The following SHROOM4 variants were observed in gnomAD, a reference collection of about 807,000 sequenced individuals.
SHROOM4 encodes the protein shroom family member 4.
Under a neutral mutation model 80.3 loss-of-function variants are expected in SHROOM4, and 17 were observed. The observed-to-expected ratio is 0.21, with a 90% CI of 0.14 to 0.32. The LOEUF (loss-of-function observed/expected upper bound fraction) is 0.32, where lower values mean the gene tolerates loss of function less well. Ranked by LOEUF, SHROOM4 falls within the 10% of genes least tolerant of loss-of-function variation. The pLI is 1.00. For synonymous variants in SHROOM4, 400 were observed against 437.5 expected (o/e 0.91, Z 1.07); for missense variants, 993 against 1,140.3 (o/e 0.87, Z 1.86).
intron 1 of SHROOM4, 30 bp downstream of exon 1, chrX:50,813,872 G>T (rs782527377): frequency 4.4e-5 from 48 of 1,080,509 alleles, no homozygotes; most frequent in Non-Finnish European, 5.8e-5. Context: ...AAAGTTAGGC[G>T]CCGTTAGGAC....
chrX:50,707,990 A>T (rs1933720626), intron 1 of SHROOM4, among the ~76,000 whole-genome samples: 1 of 111,708 alleles, frequency 9.0e-6, no homozygotes, highest in Admixed American at 9.5e-5. Context: ...CACTTGAGTA[A>T]TCAAAGAACA....
chrX:50,721,576 T>C (rs1934109979), intron 1 of SHROOM4, among the ~76,000 whole-genome samples: 1 of 111,278 alleles, frequency 9.0e-6, no homozygotes, highest in African/African-American at 3.3e-5. Flanking sequence ...CAACCTGTTG[T>C]ATCAGCAAGG....
At chrX:50,807,238 G>A (rs1936242928) in intron 1 of SHROOM4, among the ~76,000 whole-genome samples, 1 of 112,003 alleles carries the variant, frequency 8.9e-6, no homozygotes, top group Non-Finnish European at 1.9e-5. Flanking sequence ...TGGGGAGATG[G>A]GGAGAAAGAG....
chrX:50,738,710 C>T (rs1934565187), intron 1 of SHROOM4, among the ~76,000 whole-genome samples: 2 of 111,831 alleles, frequency 1.8e-5, no homozygotes, highest in South Asian at 7.6e-4. Context: ...ACATTCCATG[C>T]TCATGGATAG....
chrX:50,742,895 A>T (rs1934694668), intron 1 of SHROOM4, among the ~76,000 whole-genome samples: 1 of 112,321 alleles, frequency 8.9e-6, no homozygotes, highest in African/African-American at 3.2e-5. Context: ...TAGTAACATA[A>T]ATCATTTGGA....
At chrX:50,700,619 A>T (rs1557263473) in intron 1 of SHROOM4, among the ~76,000 whole-genome samples, 1 of 111,753 alleles carries the variant, frequency 8.9e-6, no homozygotes, top group African/African-American at 3.3e-5. Context: ...GACATGGGAG[A>T]TACAGGCTTT....
chrX:50,730,937 CAGAA>C (rs1934356919), intron 1 of SHROOM4, among the ~76,000 whole-genome samples: 1 of 110,692 alleles, frequency 9.0e-6, no homozygotes, highest in Admixed American at 9.6e-5. Flanking sequence ...CTCAAGTACA[CAGAA>C]AGAAATGGTG....
At chrX:50,807,282 CTT>C (rs1323185072) in intron 1 of SHROOM4, among the ~76,000 whole-genome samples, 1 of 112,088 alleles carries the variant, frequency 8.9e-6, no homozygotes, top group Non-Finnish European at 1.9e-5. Context: ...AGGAGTCACT[CTT>C]GTGTGTATTC....
intron 1 of SHROOM4, among the ~76,000 whole-genome samples, chrX:50,739,370 A>T (rs1454664600): frequency 2.7e-5 from 3 of 111,683 alleles, no homozygotes; most frequent in African/African-American, 9.8e-5. Flanking sequence ...ACAGCAAAAG[A>T]AACTACCATC....
At chrX:50,646,527 AGT>A (rs782016561) in intron 2 of SHROOM4, among the ~76,000 whole-genome samples, 23,048 of 78,305 alleles carry the variant, frequency 0.29, 3,136 homozygotes, top group South Asian at 0.4. Flanking sequence ...AGGGGGGAAG[AGT>A]GTGTGTGTGT....
chrX:50,607,014 A>C (rs1339300031), intron 6 of SHROOM4, among the ~76,000 whole-genome samples: 1 of 108,947 alleles, frequency 9.2e-6, no homozygotes, highest in Middle Eastern at 4.8e-3. Flanking sequence ...TCTGGGAAAG[A>C]CCTAGTATAG....
chrX:50,704,659 C>T (rs1372411891), intron 1 of SHROOM4, among the ~76,000 whole-genome samples: 1 of 112,072 alleles, frequency 8.9e-6, no homozygotes, highest in Non-Finnish European at 1.9e-5. Flanking sequence ...GGACTAAACA[C>T]CCTTCGGGGT....
At chrX:50,794,295 C>T (rs1602519252) in intron 1 of SHROOM4, among the ~76,000 whole-genome samples, 2 of 110,795 alleles carry the variant, frequency 1.8e-5, no homozygotes, top group East Asian at 2.8e-4. Context: ...TTAACAGTAC[C>T]GTGATCCTTC....
In SHROOM4 at chrX:50,593,875, T is replaced by C. The variant is rs896175361; in HGVS notation, c.*2820A>G. On this transcript the variant is annotated 3_prime_UTR_variant, in exon 9 of 9. Transcript: ENST00000376020. The stretch of plus-strand genomic sequence containing the variant: ...CTTTATTTTCAGTGTCTCTGTCTTA[T>C]TCTGTCAGATTCTACTTGGGCATTT... The C allele has an allele frequency of 1.8e-5, 2 of 112,454 alleles. No homozygotes were observed. Among genetic ancestry groups the C allele is most frequent in the African/African-American group, 6.5e-5 (2 of 30,919 alleles). The allele number at this position is 112,454 out of a possible 1,213,427, so 9.3% of individuals were successfully genotyped here. A position where few individuals can be genotyped will look rare whatever the true frequency, so the allele number is the denominator to read the frequency against.
At chrX:50,730,254 C>T (rs781967698) in intron 1 of SHROOM4, among the ~76,000 whole-genome samples, 20 of 108,143 alleles carry the variant, frequency 1.8e-4, no homozygotes, top group Non-Finnish European at 1.3e-4. Flanking sequence ...ATGGAGAAAC[C>T]CCATCTCTAC....
In SHROOM4 at chrX:50,593,316, G is replaced by T. The variant is rs1557245876; in HGVS notation, c.*3379C>A. ...CCATCACCTGAGTTAAAACACATGA[G>T]ATTTTTTTTTGTCCTTAGCACCTTT... On this transcript the variant is annotated 3_prime_UTR_variant, in exon 9 of 9. Coordinates refer to ENST00000376020, the MANE Select transcript of SHROOM4 (RefSeq NM_020717.5). 1 of 112,059 alleles carries T rather than the reference G, an allele frequency of 8.9e-6. No homozygotes were observed. Among genetic ancestry groups the T allele is most frequent in the Non-Finnish European group, 1.9e-5 (1 of 53,198 alleles). 9.2% of individuals were successfully genotyped at this position (112,059 alleles called of 1,213,427 possible).
chrX:50,636,506 T>C lies in SHROOM4; in HGVS notation c.405-838A>G, dbSNP rs782589921. ...GAGGACAGATCTTTTTTTTTCTTTT[T>C]CAACCTTTATTTTAGATTCCGGGGG... On this transcript the variant is annotated intron_variant, in intron 3 of 8. Coordinates refer to ENST00000376020, the MANE Select transcript of SHROOM4 (RefSeq NM_020717.5). 6.8e-4 allele frequency among the ~76,000 whole-genome samples: 76 copies of C among 111,212 alleles called. 1 individual carries two copies. Among genetic ancestry groups the C allele is most frequent in the African/African-American group, 2.3e-3 (69 of 30,582 alleles).
At chrX:50,775,155 A>G (rs1354410893) in intron 1 of SHROOM4, among the ~76,000 whole-genome samples, 1 of 111,477 alleles carries the variant, frequency 9.0e-6, no homozygotes, top group African/African-American at 3.3e-5. Flanking sequence ...GGACCTCCAA[A>G]ATGCTGAGTT....
At chrX:50,610,352 T>TCTCACACACACACACACACACA (rs782591424) in intron 5 of SHROOM4, among the ~76,000 whole-genome samples, 9 of 91,720 alleles carry the variant, frequency 9.8e-5, no homozygotes, top group Admixed American at 1.2e-4. Flanking sequence ...TCTCTCTCTC[T>TCTCACACACACACACACACACA]CACACACACA....
Sources: gnomAD v4.1 joint callset for allele counts (sites outside exome capture counted in the v4.1 genomes callset) on GRCh38, gnomAD v4.1.1 for gene constraint, MANE v1.5 for transcripts, NCBI Gene and HGNC (gene_info 2026-07-23, HGNC 2026-07-21) for gene names.